The following PALB2 variants were observed in gnomAD, a reference collection of about 807,000 sequenced individuals.
PALB2 encodes partner and localizer of BRCA2.
In PALB2, 82 loss-of-function variants were observed where a neutral mutation model predicts 107.4. The ratio of observed to expected loss-of-function variants is 0.76; its 90% CI spans 0.64 to 0.92. PALB2 has a LOEUF of 0.92. Among genes scored for constraint, PALB2 ranks in the 40% least tolerant of loss-of-function variants. The pLI, the probability that PALB2 is intolerant of heterozygous loss-of-function variation, is 0.00. For missense variants in PALB2, 1,374 were observed against 1,379.9 expected, an observed-to-expected ratio of 1.00 and a Z score of 0.07; for synonymous variants, 489 against 496.8, an observed-to-expected ratio of 0.98 and a Z score of 0.21.
intron 11 of PALB2, among the ~76,000 whole-genome samples, chr16:23,610,309 CTTTTTTTT>C (rs200742073): frequency 2.2e-5 from 3 of 133,736 alleles, no homozygotes; most frequent in African/African-American, 8.1e-5. Flanking sequence ...AATGTTATTT[CTTTTTTTT>C]TTTTTTTTTT....
chr16:23,631,310 AC>A (rs1036506378), intron 4 of PALB2, among the ~76,000 whole-genome samples: 9 of 147,402 alleles, frequency 6.1e-5, no homozygotes, highest in African/African-American at 2.0e-4. Flanking sequence ...AAAAAACTAA[AC>A]TAAAAAAATT....
chr16:23,614,890 T>C (rs1368022882), intron 10 of PALB2, among the ~76,000 whole-genome samples: 1 of 150,836 alleles, frequency 6.6e-6, no homozygotes, highest in African/African-American at 2.4e-5. Context: ...GACCTCGTGA[T>C]CCGCCCGCCT....
At chr16:23,612,872 T>G (rs1309491957) in intron 11 of PALB2, among the ~76,000 whole-genome samples, 17 of 151,982 alleles carry the variant, frequency 1.1e-4, no homozygotes, top group Admixed American at 1.1e-3. Context: ...CTTTCCTCAG[T>G]CTCCCAAGTA....
At chr16:23,607,840 A>T (rs779847785) in intron 12 of PALB2, 24 bp downstream of exon 12, 1 of 1,613,340 alleles carries the variant, frequency 6.2e-7, no homozygotes, top group Non-Finnish European at 8.5e-7. Flanking sequence ...TCCCACCCAT[A>T]GAGTAGCAGT....
At chr16:23,628,435 T>C (rs532246651) in intron 6 of PALB2, among the ~76,000 whole-genome samples, 1 of 152,282 alleles carries the variant, frequency 6.6e-6, no homozygotes, top group African/African-American at 2.4e-5. Context: ...GGAGAGCTTC[T>C]GCACCCCCAT....
intron 11 of PALB2, among the ~76,000 whole-genome samples, chr16:23,612,408 G>A (rs1054448039): frequency 6.6e-5 from 10 of 151,640 alleles, no homozygotes; most frequent in African/African-American, 1.5e-4. Context: ...TAGTAGAGAC[G>A]GGGTTTTACC....
chr16:23,624,654 C>T (rs945915300), intron 7 of PALB2, among the ~76,000 whole-genome samples: 1 of 152,184 alleles, frequency 6.6e-6, no homozygotes, highest in African/African-American at 2.4e-5. Flanking sequence ...GCTGGGATTA[C>T]AGGCATTCGC....
rs745467835 is a variant in PALB2 at position 23,630,213 on chromosome 16, A to G, written c.1941T>C (p.His647=). The change falls in exon 5 of 13, where the codon CAT becomes CAC. Residue 647 remains histidine, a synonymous_variant. Transcript: ENST00000261584. The part of the protein sequence containing the change: ...PFESKMFGER[H]LKEGSCIFPE... ...GAAAAATACAGCTTCCCTCTTTAAG[A>G]TGTCTCTCTCCAAACATTTTTGACT... is the stretch of plus-strand genomic sequence containing the variant. The G allele has an allele frequency of 2.5e-6, 4 of 1,614,106 alleles. No homozygotes were observed. Among genetic ancestry groups the G allele is most frequent in the Admixed American group, 3.3e-5 (2 of 59,994 alleles).
chr16:23,620,384 G>T (rs143238821), intron 10 of PALB2, among the ~76,000 whole-genome samples: 48 of 152,192 alleles, frequency 3.2e-4, no homozygotes, highest in African/African-American at 1.1e-3. Flanking sequence ...GGTTCTCTAA[G>T]CCAGTGGGAC....
intron 1 of PALB2, chr16:23,638,590 T>TA (rs1433276131): frequency 2.2e-6 from 1 of 455,522 alleles, no homozygotes; most frequent in Non-Finnish European, 4.4e-6. Context: ...GTATCTCTAG[T>TA]ACCTGGAATA....
At chr16:23,618,532 G>C (rs1966721395) in intron 10 of PALB2, among the ~76,000 whole-genome samples, 1 of 152,014 alleles carries the variant, frequency 6.6e-6, no homozygotes, top group Admixed American at 6.6e-5. Flanking sequence ...TCTTTTGAGG[G>C]ATGAGGGTAG....
chr16:23,631,589 T>C (rs1231252335), intron 4 of PALB2, among the ~76,000 whole-genome samples: 1 of 152,108 alleles, frequency 6.6e-6, no homozygotes, highest in Non-Finnish European at 1.5e-5. Flanking sequence ...GTCAATAGTA[T>C]TAACTAGGAG....
intron 9 of PALB2, among the ~76,000 whole-genome samples, chr16:23,622,659 G>A (rs1438063663): frequency 1.3e-5 from 2 of 152,282 alleles, no homozygotes; most frequent in African/African-American, 4.8e-5. Context: ...CCAAAGGGCT[G>A]GGATTATGGG....
intron 1 of PALB2, among the ~76,000 whole-genome samples, chr16:23,638,874 G>C (rs967365160): frequency 6.6e-6 from 1 of 152,128 alleles, no homozygotes; most frequent in East Asian, 1.9e-4. Flanking sequence ...CAGAGGGAAC[G>C]GTACCCCAGG....
intron 1 of PALB2, 30 bp downstream of exon 1, chr16:23,641,080 C>G: frequency 1.9e-6 from 3 of 1,610,998 alleles, no homozygotes; most frequent in Non-Finnish European, 2.5e-6. Context: ...GGTCAGAGTC[C>G]TGCGTCCGCC....
chr16:23,639,756 G>A (rs1056642285), intron 1 of PALB2, among the ~76,000 whole-genome samples: 2 of 151,958 alleles, frequency 1.3e-5, no homozygotes, highest in Non-Finnish European at 2.9e-5. Flanking sequence ...AGAGGCGGAG[G>A]TTGCAGTGAG....
At chr16:23,608,065 G>A (rs1966514409) in intron 11 of PALB2, 53 bp from the exon 12 acceptor site, 62 of 1,568,048 alleles carry the variant, frequency 4.0e-5, no homozygotes, top group Non-Finnish European at 5.3e-5. Context: ...AGTATGTCAG[G>A]AAAAATAAAG....
chr16:23,641,018 G>A, intron 1 of PALB2, 92 bp downstream of exon 1: 10 of 1,436,406 alleles, frequency 7.0e-6, no homozygotes, highest in Non-Finnish European at 9.6e-6. Flanking sequence ...TGATACTGCT[G>A]CCCTCGGACT....
At chr16:23,613,975 C>CA in intron 11 of PALB2, 29 bp downstream of exon 11, 1 of 1,538,296 alleles carries the variant, frequency 6.5e-7, no homozygotes, top group South Asian at 1.1e-5. Context: ...CAGTAACACA[C>CA]AAAGTGGTCC....
Sources: allele counts gnomAD v4.1 joint callset (sites outside exome capture counted in the v4.1 genomes callset), GRCh38; gene constraint gnomAD v4.1.1; transcripts MANE v1.5; gene names NCBI Gene and HGNC (gene_info 2026-07-23, HGNC 2026-07-21).